The following USP9Y variants were observed in gnomAD, a reference collection of about 807,000 sequenced individuals.
USP9Y encodes ubiquitin carboxyl-terminal hydrolase 9Y.
In USP9Y, 41 loss-of-function variants were observed where a neutral mutation model predicts 53.1. That is an observed-to-expected ratio of 0.77 (90% CI 0.60 to 1.00). The LOEUF (loss-of-function observed/expected upper bound fraction) is 1.00. Among genes scored for constraint, USP9Y ranks in the 50% least tolerant of loss-of-function variants. The pLI, the probability that USP9Y is intolerant of heterozygous loss-of-function variation, is 0.00. For missense variants in USP9Y, 567 were observed against 535.8 expected (o/e 1.06, Z -0.58); for synonymous variants, 220 against 173.7 (o/e 1.27, Z -2.09).
intron 35 of USP9Y, 35 bp downstream of exon 35, chrY:12,838,087 A>G: frequency 3.3e-6 from 1 of 300,413 alleles, no homozygotes; most frequent in Non-Finnish European, 5.0e-6. Context: ...TAATGATTGC[A>G]TTGAACAGAA....
In USP9Y at chrY:12,725,263, A is replaced by G. The variant is rs767887384; in HGVS notation, c.438+38A>G. ...TTTCATTTCTGGGACTCAGATTTACATGGTGATTCCTGTGGATTTGTTTTT... is the reference window on the plus strand; with the variant it reads ...TTTCATTTCTGGGACTCAGATTTACGTGGTGATTCCTGTGGATTTGTTTTT... On this transcript the variant is annotated intron_variant, in intron 6 of 45. Coordinates refer to ENST00000338981, the MANE Select transcript of USP9Y (RefSeq NM_004654.4). The G allele has an allele frequency of 2.3e-5, 7 of 306,811 alleles. No individual in the cohort carries two copies. In the African/African-American group the frequency reaches 5.0e-4, roughly 22 times the overall value. The allele number at this position is 306,811 out of a possible 400,897, so 76.5% of individuals were successfully genotyped here. A position where few individuals can be genotyped will look rare whatever the true frequency, so the allele number is the denominator to read the frequency against.
intron 12 of USP9Y, among the ~76,000 whole-genome samples, chrY:12,751,945 C>T: frequency 3.0e-5 from 1 of 33,601 alleles, no homozygotes; most frequent in East Asian, 7.6e-4. Flanking sequence ...TTTATTTATA[C>T]ATTTTTTGTT....
At chrY:12,769,813 A>T in intron 15 of USP9Y, among the ~76,000 whole-genome samples, 2 of 32,053 alleles carry the variant, frequency 6.2e-5, no homozygotes, top group Non-Finnish European at 1.5e-4. Context: ...TGTGTGTTTG[A>T]GATGGAATCT....
rs747975657 is a variant in USP9Y at position 12,832,238 on chromosome Y, C to G, written c.5022-1450C>G. ...TAGTACAGCAGCCATCATGAATGTT[C>G]TTAATTCCACTAAACTTTACACTTA... On this transcript the variant is annotated intron_variant, in intron 33 of 45. Coordinates refer to ENST00000338981, the MANE Select transcript of USP9Y (RefSeq NM_004654.4). 1.1e-3 allele frequency among the ~76,000 whole-genome samples: 38 copies of G among 33,367 alleles called. No homozygotes were observed. The South Asian group carries it at 0.025, about 22-fold the overall frequency. 89.5% of individuals were successfully genotyped at this position (33,367 alleles called of 37,273 possible).
chrY:12,703,935 C>T, intron 1 of USP9Y, among the ~76,000 whole-genome samples: 1 of 33,530 alleles, frequency 3.0e-5, no homozygotes, highest in Non-Finnish European at 7.4e-5. Context: ...TTACAGAGTG[C>T]TGATTGGTAC....
At chrY:12,762,268 G>C (rs1603198549) in intron 15 of USP9Y, among the ~76,000 whole-genome samples, 2 of 33,370 alleles carry the variant, frequency 6.0e-5, no homozygotes, top group Non-Finnish European at 1.5e-4. Context: ...CCCCAAAAGT[G>C]ATCACAACTA....
intron 42 of USP9Y, among the ~76,000 whole-genome samples, chrY:12,855,371 C>G (rs2053574992): frequency 3.0e-5 from 1 of 32,948 alleles, no homozygotes; most frequent in South Asian, 6.9e-4. Context: ...ACCACCATGC[C>G]TGGCTAATTT....
intron 41 of USP9Y, 28 bp downstream of exon 41, chrY:12,847,181 C>T: frequency 2.6e-6 from 1 of 384,559 alleles, no homozygotes; most frequent in Non-Finnish European, 3.7e-6. Flanking sequence ...ATTTATATAT[C>T]TGTAATTCTA....
chrY:12,852,804 A>C (rs889412453), intron 42 of USP9Y, among the ~76,000 whole-genome samples: 7 of 33,491 alleles, frequency 2.1e-4, no homozygotes, highest in Admixed American at 1.6e-3. Context: ...ACTTTGCTGG[A>C]GGTCCCTCCA....
intron 10 of USP9Y, among the ~76,000 whole-genome samples, chrY:12,737,313 C>G (rs981966101): frequency 3.0e-5 from 1 of 33,206 alleles, no homozygotes; most frequent in Non-Finnish European, 7.4e-5. Flanking sequence ...AACTGTTTAC[C>G]ATAGAAATTT....
In USP9Y at chrY:12,757,186, C is replaced by G. The variant is rs750245222; in HGVS notation, c.1423-6C>G. The G allele has an allele frequency of 2.5e-6, 1 of 397,527 alleles. No individual in the cohort carries two copies. The highest frequency in any genetic ancestry group is 3.5e-6 in the Non-Finnish European group (1 of 282,548). On this transcript the variant is annotated splice_polypyrimidine_tract_variant and splice_region_variant and intron_variant, in intron 12 of 45. Coordinates refer to ENST00000338981, the MANE Select transcript of USP9Y (RefSeq NM_004654.4). ...GGTATTTATATCATTTAAATACTTT[C>G]TTTAGGCAAGTTGGACAAATGCAAG...
In USP9Y at chrY:12,739,620, T is replaced by C. The variant is rs2032599; in HGVS notation, c.1413T>C (p.Asp471=). 405 of 384,638 alleles carry C rather than the reference T, an allele frequency of 1.1e-3. No homozygotes were observed. The African/African-American group carries it at 0.022, about 21-fold the overall frequency. ...FSPGQLDHLF[D]CFKASWTNAS... ...CTGGACAACTTGATCATCTTTTTGATTGCTTTAAGGTAGTAGCTTGAATAG... is the reference window on the plus strand; with the variant it reads ...CTGGACAACTTGATCATCTTTTTGACTGCTTTAAGGTAGTAGCTTGAATAG... Residue 471 remains aspartate (D), a synonymous_variant, in exon 12 of 46, where the codon GAT becomes GAC. Coordinates refer to ENST00000338981, the MANE Select transcript of USP9Y (RefSeq NM_004654.4).
intron 3 of USP9Y, among the ~76,000 whole-genome samples, chrY:12,710,684 A>AG (rs2053424312): frequency 3.0e-5 from 1 of 33,471 alleles, no homozygotes; most frequent in African/African-American, 1.2e-4. Flanking sequence ...GTGGAAAAAA[A>AG]CGGTAGAGAA....
intron 27 of USP9Y, among the ~76,000 whole-genome samples, chrY:12,797,839 G>A (rs2053515128): frequency 3.0e-5 from 1 of 33,156 alleles, no homozygotes; most frequent in Non-Finnish European, 7.4e-5. Context: ...CGATATATAG[G>A]GTTAAATAAA....
chrY:12,789,932 T>C (rs2053505949), intron 24 of USP9Y, among the ~76,000 whole-genome samples: 2 of 33,455 alleles, frequency 6.0e-5, no homozygotes, highest in Non-Finnish European at 1.5e-4. Context: ...CCCCTGCAAA[T>C]GAGCCCAAGT....
chrY:12,735,123 C>T, intron 7 of USP9Y, among the ~76,000 whole-genome samples: 1 of 28,487 alleles, frequency 3.5e-5, no homozygotes, highest in Non-Finnish European at 8.1e-5. Context: ...GTAAAACATC[C>T]TTTGTTCTCT....
chrY:12,782,617 C>T, intron 22 of USP9Y, among the ~76,000 whole-genome samples: 2 of 33,332 alleles, frequency 6.0e-5, no homozygotes, highest in South Asian at 6.6e-4. Flanking sequence ...GTAGATTTCG[C>T]GTAATTCTTA....
At chrY:12,757,059 G>T in intron 12 of USP9Y, 133 bp from the exon 13 acceptor site, 1 of 194,726 alleles carries the variant, frequency 5.1e-6, no homozygotes, top group Admixed American at 9.3e-5. Flanking sequence ...ATGCTCTTGG[G>T]GTGTGTGTGT....
chrY:12,716,903 C>T (rs2053431367), intron 3 of USP9Y, among the ~76,000 whole-genome samples: 1 of 34,185 alleles, frequency 2.9e-5, no homozygotes, highest in Non-Finnish European at 7.3e-5. Flanking sequence ...CCCCCACGCC[C>T]GGCCTCTTCT....
Sources: allele counts gnomAD v4.1 joint callset (sites outside exome capture counted in the v4.1 genomes callset), GRCh38; gene constraint gnomAD v4.1.1; transcripts MANE v1.5; gene names NCBI Gene and HGNC (gene_info 2026-07-23, HGNC 2026-07-21).